CDH8: variants seen among roughly 807,000 people sequenced by gnomAD.
The protein encoded by CDH8 is cadherin-8.
In CDH8, 17 loss-of-function variants were observed where a neutral mutation model predicts 68.1. The observed-to-expected ratio is 0.25, with a 90% CI of 0.17 to 0.37. The LOEUF is 0.37. Ranked by LOEUF, CDH8 falls within the 10% of genes least tolerant of loss-of-function variation. The pLI is 1.00. For missense variants in CDH8, 763 were observed against 999.3 expected, an observed-to-expected ratio of 0.76 and a Z score of 3.19; for synonymous variants, 372 against 365.1, an observed-to-expected ratio of 1.02 and a Z score of -0.21.
At chr16:61,789,119 T>C (rs1961317189) in intron 8 of CDH8, among the ~76,000 whole-genome samples, 1 of 152,098 alleles carries the variant, frequency 6.6e-6, no homozygotes, top group South Asian at 2.1e-4. Flanking sequence ...GGCTGAATAA[T>C]GGATATAAGA....
intron 2 of CDH8, among the ~76,000 whole-genome samples, chr16:61,963,238 GCA>G (rs748865985): frequency 5.9e-5 from 9 of 152,076 alleles, no homozygotes; most frequent in Non-Finnish European, 1.2e-4. Context: ...TGGACCCTAG[GCA>G]CACCCTTCCT....
intron 8 of CDH8, among the ~76,000 whole-genome samples, chr16:61,765,468 T>A (rs1960566485): frequency 6.6e-6 from 1 of 151,992 alleles, no homozygotes; most frequent in African/African-American, 2.4e-5. Context: ...TTACCCCACA[T>A]CTGTTGCTTG....
chr16:61,768,875 A>C (rs758804847), intron 8 of CDH8, among the ~76,000 whole-genome samples: 4 of 151,882 alleles, frequency 2.6e-5, no homozygotes, highest in Non-Finnish European at 5.9e-5. Context: ...TTGAGAAAAT[A>C]AATAACTTTC....
intron 7 of CDH8, among the ~76,000 whole-genome samples, chr16:61,803,547 T>A (rs1961713321): frequency 1.3e-5 from 2 of 151,984 alleles, no homozygotes; most frequent in Admixed American, 6.6e-5. Context: ...TCAAGACCCA[T>A]CAGTGTGCTG....
At chr16:61,766,488 TCCCTTGGGTAGATAC>T (rs1214847537) in intron 8 of CDH8, among the ~76,000 whole-genome samples, 1 of 151,964 alleles carries the variant, frequency 6.6e-6, no homozygotes, top group Non-Finnish European at 1.5e-5. Flanking sequence ...TGACTTCTTT[TCCCTTGGGTAGATAC>T]CCAGCATGGG....
chr16:61,682,114 CT>C (rs568763466), intron 10 of CDH8, among the ~76,000 whole-genome samples: 9 of 151,910 alleles, frequency 5.9e-5, no homozygotes, highest in Admixed American at 3.3e-4. Context: ...AATATTCAAT[CT>C]TTTTTTCTCT....
intron 7 of CDH8, among the ~76,000 whole-genome samples, 183 bp from the exon 8 acceptor site, chr16:61,789,665 G>T (rs1961332478): frequency 6.6e-6 from 1 of 152,068 alleles, no homozygotes; most frequent in Non-Finnish European, 1.5e-5. Context: ...AGTAATTATT[G>T]TCCAAGGAGC....
intron 2 of CDH8, among the ~76,000 whole-genome samples, chr16:61,924,951 A>T (rs528821468): frequency 1.2e-4 from 19 of 152,316 alleles, no homozygotes; most frequent in African/African-American, 4.1e-4. Context: ...TGCAGTTGGT[A>T]ATGTAAATAT....
chr16:61,696,236 T>C (rs1964323046), intron 10 of CDH8, among the ~76,000 whole-genome samples: 1 of 152,174 alleles, frequency 6.6e-6, no homozygotes, highest in South Asian at 2.1e-4. Flanking sequence ...CTAACTTGCT[T>C]TAAAACGGAC....
At chr16:61,872,989 G>A (rs1417196175) in intron 3 of CDH8, among the ~76,000 whole-genome samples, 1 of 152,106 alleles carries the variant, frequency 6.6e-6, no homozygotes, top group Non-Finnish European at 1.5e-5. Flanking sequence ...ACAGATGGGG[G>A]TCAAGCACTG....
chr16:61,952,411 G>C (rs189615079), intron 2 of CDH8, among the ~76,000 whole-genome samples: 2 of 152,136 alleles, frequency 1.3e-5, no homozygotes, highest in Admixed American at 1.3e-4. Context: ...ATAGGTATTG[G>C]GCATCATGTA....
chr16:62,003,394 TA>T (rs1357743816), intron 2 of CDH8, among the ~76,000 whole-genome samples: 2 of 152,226 alleles, frequency 1.3e-5, no homozygotes, highest in African/African-American at 4.8e-5. Context: ...AGTACTTTTA[TA>T]AAGTATATTT....
chr16:62,031,232 T>C (rs1398360432), intron 1 of CDH8, among the ~76,000 whole-genome samples: 2 of 152,258 alleles, frequency 1.3e-5, no homozygotes, highest in South Asian at 2.1e-4. Context: ...ATTTAAAAGA[T>C]GATTGTGAGA....
chr16:61,999,583 ATAAC>A (rs1965858879), intron 2 of CDH8, among the ~76,000 whole-genome samples: 1 of 152,138 alleles, frequency 6.6e-6, no homozygotes, highest in Non-Finnish European at 1.5e-5. Flanking sequence ...TGCAGTTATA[ATAAC>A]ATCTAACTTT....
Position 61,960,353 on chromosome 16 carries a change from G to A in CDH8, c.253-58880C>T, listed in dbSNP as rs1267229704. On this transcript the variant is annotated intron_variant, in intron 2 of 11. Coordinates refer to ENST00000577390, the MANE Select transcript of CDH8 (RefSeq NM_001796.5). ...TGTATACACACATATATACATGTGT[G>A]TGTGTATACACATACATATATACAT... 4.8e-5 allele frequency among the ~76,000 whole-genome samples: 5 copies of A among 103,598 alleles called. 1 individual carries two copies. In the East Asian group the frequency reaches 1.5e-3, roughly 31 times the overall value. The allele number at this position is 103,598 out of a possible 152,430, so 68.0% of individuals were successfully genotyped here. A position where few individuals can be genotyped will look rare whatever the true frequency, so the allele number is the denominator to read the frequency against.
intron 2 of CDH8, among the ~76,000 whole-genome samples, chr16:61,970,908 T>C (rs902881536): frequency 1.3e-5 from 2 of 152,212 alleles, no homozygotes; most frequent in Admixed American, 6.5e-5. Context: ...CTGATGACAT[T>C]CCACCATTGT....
At chr16:61,798,076 T>C (rs1961538636) in intron 7 of CDH8, among the ~76,000 whole-genome samples, 1 of 152,322 alleles carries the variant, frequency 6.6e-6, no homozygotes, top group East Asian at 1.9e-4. Context: ...TGACTCATGA[T>C]CAATTCTTCA....
intron 2 of CDH8, among the ~76,000 whole-genome samples, chr16:61,929,917 A>G (rs1247893909): frequency 1.3e-5 from 2 of 152,048 alleles, no homozygotes; most frequent in Non-Finnish European, 2.9e-5. Context: ...AAAAAAATTG[A>G]TATATTCAAA....
At chr16:61,669,466 G>A (rs1390187437) in intron 10 of CDH8, among the ~76,000 whole-genome samples, 1 of 152,010 alleles carries the variant, frequency 6.6e-6, no homozygotes, top group Non-Finnish European at 1.5e-5. Flanking sequence ...CCTAGAATCT[G>A]TTATATGTGT....
Sources: gnomAD v4.1 joint callset for allele counts (sites outside exome capture counted in the v4.1 genomes callset) on GRCh38, gnomAD v4.1.1 for gene constraint, MANE v1.5 for transcripts, NCBI Gene and HGNC (gene_info 2026-07-23, HGNC 2026-07-21) for gene names.